CACNA1H: variants seen among roughly 807,000 people sequenced by gnomAD.
The protein encoded by CACNA1H is voltage-dependent T-type calcium channel subunit alpha-1H.
CACNA1H carries 149 observed loss-of-function variants against 192.5 expected under a neutral mutation model. The ratio of observed to expected loss-of-function variants is 0.77; its 90% CI spans 0.68 to 0.89. The LOEUF (loss-of-function observed/expected upper bound fraction) is 0.89, where lower values mean the gene tolerates loss of function less well. Ranked by LOEUF, CACNA1H falls within the 40% of genes least tolerant of loss-of-function variation. The pLI is 0.00. For synonymous variants in CACNA1H, 2,202 were observed against 1,475.2 expected (o/e 1.49, Z -11.29); for missense variants, 4,257 against 3,423.5 (o/e 1.24, Z -6.08).
At chr16:1,172,128 C>CG (rs1417841757) in intron 2 of CACNA1H, among the ~76,000 whole-genome samples, 4 of 152,124 alleles carry the variant, frequency 2.6e-5, no homozygotes, top group Non-Finnish European at 4.4e-5. Context: ...GACGGGGCCC[C>CG]GGGCCGCAGG....
Position 1,209,279 on chromosome 16 carries a change from T to G in CACNA1H, c.3611T>G (p.Leu1204Arg), listed in dbSNP as rs755629493. The part of the protein sequence containing the change: ...RRAESLDPRP[L>R]RPAALPPTKC... ...GCCGAGTCCCTGGACCCACGGCCCC[T>G]GCGGCCGGCCGCCCTCCCGCCTACC... The change falls in exon 17 of 35, where the codon CTG becomes CGG. Residue 1204 changes from leucine to arginine, a missense_variant. Physicochemically the swap from Leu to Arg is moderately radical, Grantham distance 102 (BLOSUM62 -2). Coordinates refer to ENST00000348261, the MANE Select transcript of CACNA1H (RefSeq NM_021098.3). The G allele has an allele frequency of 6.4e-6, 10 of 1,560,024 alleles. No individual in the cohort carries two copies. In the South Asian group the frequency reaches 9.3e-5, roughly 14 times the overall value.
At position 1,206,176 on chromosome 16, in the gene CACNA1H, G is replaced by C. The variant is rs567419788; in HGVS notation, c.2676G>C (p.Leu892=). The change falls in exon 12 of 35, where the codon CTG becomes CTC. Residue 892 remains leucine (L), a synonymous_variant. Coordinates refer to ENST00000348261, the MANE Select transcript of CACNA1H (RefSeq NM_021098.3). ...GCACCTTCCGGCTGCTGCGTGTGCT[G>C]AAGCTGGTGCGCTTTCTGCCAGCCC... is the stretch of plus-strand genomic sequence containing the variant. ...VLRTFRLLRV[L]KLVRFLPALR... is the part of the protein sequence containing the mutation. 1 of 1,587,816 alleles carries C rather than the reference G, an allele frequency of 6.3e-7. No individual in the cohort carries two copies. Among genetic ancestry groups the C allele is most frequent in the East Asian group, 2.3e-5 (1 of 43,514 alleles).
intron 1 of CACNA1H, 69 bp from the exon 2 acceptor site, chr16:1,153,651 A>G (rs1961878115): frequency 1.0e-6 from 1 of 987,368 alleles, no homozygotes; most frequent in Non-Finnish European, 1.3e-6. Context: ...CTGTTCCCGC[A>G]GCTCCGCGCC....
intron 2 of CACNA1H, among the ~76,000 whole-genome samples, chr16:1,183,496 C>T (rs1050332344): frequency 2.6e-5 from 4 of 152,212 alleles, no homozygotes; most frequent in Non-Finnish European, 5.9e-5. Flanking sequence ...CTTCAGTCAG[C>T]GCATCCCCGG....
At position 1,221,696 on chromosome 16, in the gene CACNA1H, T is replaced by C; in HGVS notation, c.*702T>C. 2 of 1,262,224 alleles carry C rather than the reference T, an allele frequency of 1.6e-6. No homozygotes were observed. The highest frequency in any genetic ancestry group is 2.2e-6 in the Non-Finnish European group (2 of 924,662). The allele number at this position is 1,262,224 out of a possible 1,614,324, so 78.2% of individuals were successfully genotyped here. ...ATTCAGGTTAAATGTTGCAATAATC[T>C]GATGCAGAAGACTCAGCTTCTCAAG... On this transcript the variant is annotated 3_prime_UTR_variant, in exon 35 of 35. Transcript: ENST00000348261.
chr16:1,218,925 G>A, intron 33 of CACNA1H, 45 bp from the exon 34 acceptor site: 1 of 1,543,500 alleles, frequency 6.5e-7, no homozygotes, highest in Non-Finnish European at 8.7e-7. Flanking sequence ...AGCTGGGCAG[G>A]AAGGCAGGGG....
chr16:1,198,853 C>T (rs906417143), intron 6 of CACNA1H, 79 bp downstream of exon 6: 5 of 1,392,844 alleles, frequency 3.6e-6, no homozygotes, highest in Non-Finnish European at 4.9e-6. Context: ...TGTGGCTCCA[C>T]CGCCCCACGT....
intron 20 of CACNA1H, 47 bp downstream of exon 20, chr16:1,210,698 G>A (rs428430): frequency 1.9e-6 from 3 of 1,585,630 alleles, no homozygotes; most frequent in East Asian, 2.3e-5. Context: ...TCCCCGTTCT[G>A]CCCTCATCCC....
chr16:1,194,302 G>A (rs1388705507), intron 2 of CACNA1H, among the ~76,000 whole-genome samples: 3 of 152,202 alleles, frequency 2.0e-5, no homozygotes, highest in South Asian at 2.1e-4. Flanking sequence ...TCGCTGACAA[G>A]TTGGTGCTTT....
chr16:1,198,566 A>C, intron 5 of CACNA1H, 49 bp from the exon 6 acceptor site: 1 of 1,597,464 alleles, frequency 6.3e-7, no homozygotes, highest in African/African-American at 1.3e-5. Context: ...AGCCCCGAGG[A>C]CACTCCTGCA....
In CACNA1H at chr16:1,202,331, C is replaced by T. The variant is rs750170461; in HGVS notation, c.1881C>T (p.Ser627=). 6.3e-7 allele frequency: 1 copy of T among 1,578,370 alleles called. No homozygotes were observed. The highest frequency in any genetic ancestry group is 1.2e-5 in the South Asian group (1 of 85,922). The stretch of plus-strand genomic sequence containing the variant: ...CAGGGGTGGGCAGCGGCAAAGGCAG[C>T]ACCAGCCCCGGACCCAAGGGGAAGT... ...LPSGVGSGKG[S]TSPGPKGKWA... is the part of the protein sequence containing the mutation. Residue 627 remains serine, a synonymous_variant, in exon 9 of 35, where the codon AGC becomes AGT. Transcript: ENST00000348261.
At chr16:1,176,765 G>T (rs1218831167) in intron 2 of CACNA1H, among the ~76,000 whole-genome samples, 1 of 152,186 alleles carries the variant, frequency 6.6e-6, no homozygotes, top group Non-Finnish European at 1.5e-5. Flanking sequence ...AAATGATGGT[G>T]CTGGGAGGGG....
rs368553931 is a variant in CACNA1H at position 1,219,096 on chromosome 16, G to A, written c.6014G>A (p.Arg2005His). ...GCCCTGTCCCCTCGGGGCACAGCCC[G>A]CTCCCCCAGTCTCAGCCGGCTGCTC... ...LHALSPRGTARSPSLSRLLCR... is the reference protein window; with the variant it reads ...LHALSPRGTAHSPSLSRLLCR... Residue 2005 changes from arginine to histidine, a missense_variant, in exon 34 of 35, where the codon CGC becomes CAC. Arg to His is a conservative substitution (Grantham distance 29, BLOSUM62 0). Transcript: ENST00000348261. 9.0e-5 allele frequency: 139 copies of A among 1,546,728 alleles called. No individual in the cohort carries two copies. Among genetic ancestry groups the A allele is most frequent in the Non-Finnish European group, 1.1e-4 (125 of 1,145,114 alleles).
Position 1,206,992 on chromosome 16 carries a change from C to A in CACNA1H, c.2790-9C>A, listed in dbSNP as rs1477219178. 3 of 1,567,356 alleles carry A rather than the reference C, an allele frequency of 1.9e-6. No homozygotes were observed. The highest frequency in any genetic ancestry group is 2.7e-5 in the African/African-American group (2 of 73,486). ...TCCACCCTCAACACGCCCCTGCCCC[C>A]ACCCTCAGCATCCTGGGCATGCACC... On this transcript the variant is annotated splice_polypyrimidine_tract_variant and intron_variant, in intron 12 of 34. Transcript: ENST00000348261.
rs1226685215 is a variant in CACNA1H, at chr16:1,218,645, C to T, written c.5881C>T (p.Pro1961Ser). The part of the protein sequence containing the change: ...VEMETYGAGT[P>S]LGSVASVHSP... Reference sequence around the variant, plus strand: ...GATGGAGACCTATGGGGCCGGCACCCCCTTGGGTATGGTAGCCAGCAGGAA... The same window carrying T: ...GATGGAGACCTATGGGGCCGGCACCTCCTTGGGTATGGTAGCCAGCAGGAA... The change falls in exon 33 of 35, where the codon CCC becomes TCC. Residue 1961 changes from proline (P) to serine (S), a missense_variant. Pro to Ser is a moderately conservative substitution (Grantham distance 74). Coordinates refer to ENST00000348261, the MANE Select transcript of CACNA1H (RefSeq NM_021098.3). 7 of 1,542,648 alleles carry T rather than the reference C, an allele frequency of 4.5e-6. No individual in the cohort carries two copies. The highest frequency in any genetic ancestry group is 2.7e-5 in the African/African-American group (2 of 73,420).
intron 2 of CACNA1H, among the ~76,000 whole-genome samples, chr16:1,187,481 C>T (rs1966187982): frequency 6.6e-6 from 1 of 152,260 alleles, no homozygotes; most frequent in African/African-American, 2.4e-5. Context: ...ACACCCCTGC[C>T]CCTGGCTCAG....
intron 2 of CACNA1H, 126 bp from the exon 3 acceptor site, chr16:1,194,846 C>T (rs893458530): frequency 8.5e-6 from 6 of 706,420 alleles, no homozygotes; most frequent in Non-Finnish European, 1.3e-5. Context: ...GTCCCCCACC[C>T]CATCCTGGAC....
chr16:1,198,806 C>G (rs1049964592), intron 6 of CACNA1H, 32 bp downstream of exon 6: 2 of 1,584,174 alleles, frequency 1.3e-6, no homozygotes, highest in Non-Finnish European at 1.7e-6. Context: ...GAGGCCCCTG[C>G]CCAGATGGCC....
At chr16:1,171,343 G>A (rs769860321) in intron 2 of CACNA1H, among the ~76,000 whole-genome samples, 3 of 152,174 alleles carry the variant, frequency 2.0e-5, no homozygotes, top group African/African-American at 4.8e-5. Context: ...GTAAGAGGAC[G>A]AGGCCCAGAT....
Sources: allele counts gnomAD v4.1 joint callset (sites outside exome capture counted in the v4.1 genomes callset), GRCh38; gene constraint gnomAD v4.1.1; transcripts MANE v1.5; gene names NCBI Gene and HGNC (gene_info 2026-07-23, HGNC 2026-07-21).